Variants in THSD4 observed in about 807,000 individuals in gnomAD.
The protein encoded by THSD4 is thrombospondin type 1 domain containing 4.
A neutral mutation model predicts 119.0 loss-of-function variants in THSD4; 69 were observed. The observed-to-expected ratio is 0.58, with a 90% CI of 0.48 to 0.71. THSD4 has a LOEUF of 0.71. Ranked by LOEUF, THSD4 falls within the 30% of genes least tolerant of loss-of-function variation. The pLI, the probability that THSD4 is intolerant of heterozygous loss-of-function variation, is 0.00. For missense variants in THSD4, 1,393 were observed against 1,391.1 expected, an observed-to-expected ratio of 1.00 and a Z score of -0.02; for synonymous variants, 524 against 540.4, an observed-to-expected ratio of 0.97 and a Z score of 0.42.
chr15:71,278,195 G>C (rs375942218), intron 6 of THSD4, among the ~76,000 whole-genome samples: 71 of 152,174 alleles, frequency 4.7e-4, no homozygotes, highest in African/African-American at 1.6e-3. Context: ...TTGTTTGCTT[G>C]TTTTTGTTTT....
At position 71,453,657 on chromosome 15, in the gene THSD4, C is replaced by T. The variant is rs773713884; in HGVS notation, c.1152+41834C>T. Among the ~76,000 whole-genome samples the T allele has an allele frequency of 5.3e-5, 8 of 152,132 alleles. No individual in the cohort carries two copies. In the South Asian group the frequency reaches 8.3e-4, roughly 16 times the overall value. On this transcript the variant is annotated intron_variant, in intron 7 of 17. Coordinates refer to ENST00000261862, the MANE Select transcript of THSD4 (RefSeq NM_024817.3). ...GAATTACACTACAACAATGGTTGTC[C>T]GCTGGTTGGTGGCTTTGTTCCCTGG...
At chr15:71,671,552 C>T (rs943776736) in intron 8 of THSD4, among the ~76,000 whole-genome samples, 2 of 152,152 alleles carry the variant, frequency 1.3e-5, no homozygotes, top group Admixed American at 1.3e-4. Context: ...GACTGAAGCC[C>T]TTGCCCATGC....
At chr15:71,221,550 T>A (rs2043976218) in intron 4 of THSD4, among the ~76,000 whole-genome samples, 1 of 152,212 alleles carries the variant, frequency 6.6e-6, no homozygotes, top group South Asian at 2.1e-4. Context: ...ATTTGTCGTT[T>A]TTGTGACTGG....
chr15:71,411,694 C>T lies in THSD4; in HGVS notation c.1023C>T (p.Gly341=). Reference sequence around the variant, plus strand: ...TTCATTTTACTTTGGTAGTAAAAGGCAATCGCAAATGTGAGTTGAACTGCC... The same window carrying T: ...TTCATTTTACTTTGGTAGTAAAAGGTAATCGCAAATGTGAGTTGAACTGCC... ...YEWEPFAEVK[G]NRKCELNCQA... Residue 341 remains glycine (G), a synonymous_variant, in exon 7 of 18, where the codon GGC becomes GGT. Coordinates refer to ENST00000261862, the MANE Select transcript of THSD4 (RefSeq NM_024817.3). The T allele has an allele frequency of 6.2e-7, 1 of 1,613,828 alleles. No individual in the cohort carries two copies. The highest frequency in any genetic ancestry group is 8.5e-7 in the Non-Finnish European group (1 of 1,179,892).
chr15:71,672,471 C>A (rs1482275761), intron 8 of THSD4, among the ~76,000 whole-genome samples: 1 of 152,108 alleles, frequency 6.6e-6, no homozygotes, highest in Non-Finnish European at 1.5e-5. Flanking sequence ...AATTGAATAC[C>A]CTTTTATTTC....
At position 71,716,431 on chromosome 15, in the gene THSD4, A is replaced by G. The variant is rs758409678; in HGVS notation, c.1358-12118A>G. On this transcript the variant is annotated intron_variant, in intron 8 of 17. Coordinates refer to ENST00000261862, the MANE Select transcript of THSD4 (RefSeq NM_024817.3). Reference sequence around the variant, plus strand: ...CATGCAATTACCACATAAATGAAAGAAGTAAATCCACACTACAGTGCAATC... The same window carrying G: ...CATGCAATTACCACATAAATGAAAGGAGTAAATCCACACTACAGTGCAATC... Among the ~76,000 whole-genome samples, 69 of 152,182 alleles carry G rather than the reference A, an allele frequency of 4.5e-4. 1 individual carries two copies. Among genetic ancestry groups the G allele is most frequent in the Non-Finnish European group, 8.1e-4 (55 of 68,028 alleles).
intron 6 of THSD4, among the ~76,000 whole-genome samples, chr15:71,309,285 C>T (rs2045078633): frequency 6.6e-6 from 1 of 152,196 alleles, no homozygotes. Flanking sequence ...GAGCATATTA[C>T]TGACCATTGT....
chr15:71,544,729 G>A (rs1000570333), intron 7 of THSD4, among the ~76,000 whole-genome samples: 11 of 152,208 alleles, frequency 7.2e-5, no homozygotes, highest in Admixed American at 1.3e-4. Flanking sequence ...AGCATTATGC[G>A]TAACAGCCAA....
chr15:71,282,863 A>G (rs889036933), intron 6 of THSD4, among the ~76,000 whole-genome samples: 1 of 152,112 alleles, frequency 6.6e-6, no homozygotes, highest in African/African-American at 2.4e-5. Flanking sequence ...ATTTTAATTA[A>G]TTGTAGTCAC....
intron 7 of THSD4, among the ~76,000 whole-genome samples, chr15:71,503,350 G>C (rs1262163372): frequency 6.6e-6 from 1 of 152,162 alleles, no homozygotes. Flanking sequence ...GCACAGCTCT[G>C]TAGGCCACAG....
chr15:71,307,564 G>C (rs1330026871), intron 6 of THSD4, among the ~76,000 whole-genome samples: 1 of 152,174 alleles, frequency 6.6e-6, no homozygotes, highest in African/African-American at 2.4e-5. Context: ...GAGGACAGGA[G>C]TTCAAGACCA....
intron 6 of THSD4, among the ~76,000 whole-genome samples, chr15:71,375,052 A>T (rs933261490): frequency 6.6e-6 from 1 of 152,074 alleles, no homozygotes; most frequent in East Asian, 1.9e-4. Context: ...ATCTCCTCAC[A>T]CTCCCTTTTC....
intron 7 of THSD4, among the ~76,000 whole-genome samples, chr15:71,471,516 T>C (rs960688177): frequency 6.6e-6 from 1 of 152,032 alleles, no homozygotes; most frequent in Non-Finnish European, 1.5e-5. Flanking sequence ...CACTTCCTGC[T>C]GTCCTCTTTT....
chr15:71,576,023 G>A (rs1312082233), intron 7 of THSD4, among the ~76,000 whole-genome samples: 6 of 152,038 alleles, frequency 3.9e-5, no homozygotes, highest in Non-Finnish European at 8.8e-5. Flanking sequence ...CTTTTATTAT[G>A]AGATTATGTC....
chr15:71,267,234 G>A (rs2044474948), intron 6 of THSD4, among the ~76,000 whole-genome samples: 1 of 152,294 alleles, frequency 6.6e-6, no homozygotes, highest in African/African-American at 2.4e-5. Context: ...ACCCACAAAG[G>A]GAAGCCCATC....
At chr15:71,635,497 G>A (rs2050721804) in intron 7 of THSD4, among the ~76,000 whole-genome samples, 1 of 152,122 alleles carries the variant, frequency 6.6e-6, no homozygotes, top group Non-Finnish European at 1.5e-5. Context: ...AGAAAAAAGT[G>A]GACCAATTTA....
intron 8 of THSD4, among the ~76,000 whole-genome samples, chr15:71,724,302 CCA>C (rs1294396414): frequency 1.5e-5 from 1 of 67,166 alleles, no homozygotes; most frequent in African/African-American, 3.4e-5. Context: ...TTTTTTCCCC[CCA>C]AGATGGAATT....
chr15:71,748,705 G>A (rs1239378376), intron 14 of THSD4, 111 bp downstream of exon 14: 2 of 1,373,554 alleles, frequency 1.5e-6, no homozygotes, highest in African/African-American at 1.5e-5. Flanking sequence ...TCTGGCTCTG[G>A]GGGGAAAAAA....
intron 6 of THSD4, among the ~76,000 whole-genome samples, chr15:71,293,758 C>T (rs1017784445): frequency 3.3e-5 from 5 of 151,966 alleles, no homozygotes; most frequent in Admixed American, 6.6e-5. Flanking sequence ...TAGGTTAAAA[C>T]GTTTTAAAAT....
Sources: allele counts gnomAD v4.1 joint callset (sites outside exome capture counted in the v4.1 genomes callset), GRCh38; gene constraint gnomAD v4.1.1; transcripts MANE v1.5; gene names NCBI Gene and HGNC (gene_info 2026-07-23, HGNC 2026-07-21).